Variants in EEFSEC observed in about 807,000 individuals in gnomAD.
EEFSEC encodes the protein eukaryotic elongation factor, selenocysteine-tRNA specific, also known as selenocysteine-specific elongation factor.
Under a neutral mutation model 42.1 loss-of-function variants are expected in EEFSEC, and 43 were observed. The ratio of observed to expected loss-of-function variants is 1.02; its 90% confidence interval spans 0.80 to 1.32. The LOEUF (loss-of-function observed/expected upper bound fraction) is 1.32. EEFSEC is among the 40% of genes most tolerant of loss of function. EEFSEC has a pLI of 0.00. For missense variants in EEFSEC, 745 were observed against 803.6 expected (o/e 0.93, Z 0.88); for synonymous variants, 354 against 339.1 (o/e 1.04, Z -0.48).
chr3:128,206,481 T>G (rs1291125062), intron 1 of EEFSEC, among the ~76,000 whole-genome samples: 1 of 152,200 alleles, frequency 6.6e-6, no homozygotes, highest in Non-Finnish European at 1.5e-5. Flanking sequence ...AGCCAGTCAC[T>G]TCTGTCTGTG....
chr3:128,180,679 C>T (rs566558475), intron 1 of EEFSEC, among the ~76,000 whole-genome samples: 1 of 152,328 alleles, frequency 6.6e-6, no homozygotes, highest in South Asian at 2.1e-4. Context: ...AGACTCCAGG[C>T]CCTGCATCGA....
At chr3:128,237,681 G>A (rs916478552) in intron 1 of EEFSEC, among the ~76,000 whole-genome samples, 4 of 152,110 alleles carry the variant, frequency 2.6e-5, no homozygotes, top group South Asian at 2.1e-4. Context: ...TCCTTTTGGC[G>A]GGGGTCCAAC....
At chr3:128,202,007 G>A (rs2065648528) in intron 1 of EEFSEC, among the ~76,000 whole-genome samples, 1 of 152,150 alleles carries the variant, frequency 6.6e-6, no homozygotes, top group Non-Finnish European at 1.5e-5. Context: ...AACCATTTAA[G>A]TGTAGGTCTA....
rs530989338 is a variant in EEFSEC, at chr3:128,289,593, A to G, written c.786+24812A>G. ...GAGAAGCTGGAAATCTGGATTTTCA[A>G]GTGAAATGTCCCATTTTAAAATATA... On this transcript the variant is annotated intron_variant, in intron 4 of 6. Coordinates refer to ENST00000254730, the MANE Select transcript of EEFSEC (RefSeq NM_021937.5). Among the ~76,000 whole-genome samples, 6 of 152,362 alleles carry G rather than the reference A, an allele frequency of 3.9e-5. No homozygotes were observed. In the South Asian group the frequency reaches 1.2e-3, roughly 32 times the overall value.
chr3:128,336,239 C>T (rs971070185), intron 4 of EEFSEC, among the ~76,000 whole-genome samples: 2 of 152,186 alleles, frequency 1.3e-5, no homozygotes, highest in African/African-American at 2.4e-5. Flanking sequence ...TACACACCAG[C>T]TGTTCTTTAC....
At chr3:128,184,629 T>C (rs2065446181) in intron 1 of EEFSEC, among the ~76,000 whole-genome samples, 1 of 152,248 alleles carries the variant, frequency 6.6e-6, no homozygotes, top group Non-Finnish European at 1.5e-5. Context: ...TGTATTTTGC[T>C]TTGGCTTAAC....
At chr3:128,364,412 C>T (rs936160389) in intron 6 of EEFSEC, among the ~76,000 whole-genome samples, 3 of 152,094 alleles carry the variant, frequency 2.0e-5, no homozygotes, top group Admixed American at 6.5e-5. Context: ...AGCAGAAGGG[C>T]GAGCGGGGAG....
intron 4 of EEFSEC, among the ~76,000 whole-genome samples, chr3:128,330,778 C>A (rs1436094261): frequency 6.8e-6 from 1 of 146,506 alleles, no homozygotes; most frequent in East Asian, 2.0e-4. Context: ...CCCCTCTTCC[C>A]CCTTCCTCAG....
intron 1 of EEFSEC, among the ~76,000 whole-genome samples, chr3:128,217,519 C>T (rs892676986): frequency 3.3e-5 from 5 of 152,212 alleles, no homozygotes; most frequent in African/African-American, 9.7e-5. Flanking sequence ...ACCCGTGACC[C>T]TTTAATGTGT....
rs1374295071 is a variant in EEFSEC, at chr3:128,358,496, G to A, written c.1600+123G>A. On this transcript the variant is annotated intron_variant, in intron 6 of 6. Coordinates refer to ENST00000254730, the MANE Select transcript of EEFSEC (RefSeq NM_021937.5). Reference sequence around the variant, plus strand: ...TAATCCTGCCTTTGCCGAGACACGGGGTGACTTGGCCTGCCTGGCAGCATG... The same window carrying A: ...TAATCCTGCCTTTGCCGAGACACGGAGTGACTTGGCCTGCCTGGCAGCATG... The A allele has an allele frequency of 2.8e-6, 4 of 1,405,760 alleles. No individual in the cohort carries two copies. In the African/African-American group the frequency reaches 5.7e-5, roughly 20 times the overall value. 87.1% of individuals were successfully genotyped at this position (1,405,760 alleles called of 1,614,324 possible). A position where few individuals can be genotyped will look rare whatever the true frequency, so the allele number is the denominator to read the frequency against.
chr3:128,418,441 G>A, the EEFSEC span, among the ~76,000 whole-genome samples: 2 of 151,852 alleles, frequency 1.3e-5, no homozygotes, highest in Non-Finnish European at 2.9e-5. Context: ...ACACCAGCAA[G>A]GCCCAGGCCT....
chr3:128,358,485 C>G, intron 6 of EEFSEC, 112 bp downstream of exon 6: 1 of 1,473,292 alleles, frequency 6.8e-7, no homozygotes, highest in South Asian at 1.3e-5. Flanking sequence ...CCTGCCTTTG[C>G]CGAGACACGG....
chr3:128,328,219 C>A (rs1041634941), intron 4 of EEFSEC, among the ~76,000 whole-genome samples: 1 of 152,216 alleles, frequency 6.6e-6, no homozygotes, highest in Non-Finnish European at 1.5e-5. Flanking sequence ...CCAAGTCCAG[C>A]ATGCTCACTG....
At chr3:128,337,009 A>G (rs1385744492) in intron 4 of EEFSEC, 4 of 152,202 alleles carry the variant, frequency 2.6e-5, no homozygotes, top group African/African-American at 9.6e-5. Context: ...TTGAGGAGTG[A>G]GTTATTCAGT....
intron 1 of EEFSEC, among the ~76,000 whole-genome samples, chr3:128,185,222 CT>C (rs1020217601): frequency 3.9e-5 from 6 of 151,994 alleles, no homozygotes; most frequent in African/African-American, 1.5e-4. Context: ...CCCATCGCTG[CT>C]GGGGTATTAT....
At chr3:128,160,061 G>T (rs369114188) in intron 1 of EEFSEC, among the ~76,000 whole-genome samples, 11 of 152,244 alleles carry the variant, frequency 7.2e-5, no homozygotes, top group Admixed American at 6.5e-4. Context: ...TGAAGCCTGT[G>T]TACCAGCTCC....
At chr3:128,159,289 C>T (rs928338034) in intron 1 of EEFSEC, among the ~76,000 whole-genome samples, 2 of 152,164 alleles carry the variant, frequency 1.3e-5, no homozygotes, top group Non-Finnish European at 2.9e-5. Context: ...ACTCCGCCAC[C>T]CCTAACCTGG....
chr3:128,403,034 T>G, intron 6 of EEFSEC, among the ~76,000 whole-genome samples: 1 of 148,316 alleles, frequency 6.7e-6, no homozygotes, highest in African/African-American at 2.5e-5. Context: ...AATAGTGGGG[T>G]GAGAGGGGGT....
At chr3:128,229,412 A>G (rs1465834727) in intron 1 of EEFSEC, among the ~76,000 whole-genome samples, 2 of 152,298 alleles carry the variant, frequency 1.3e-5, no homozygotes, top group East Asian at 3.9e-4. Flanking sequence ...CCTTTCCTCC[A>G]GGATGACCCT....
Sources: allele counts gnomAD v4.1 joint callset (sites outside exome capture counted in the v4.1 genomes callset), GRCh38; gene constraint gnomAD v4.1.1; transcripts MANE v1.5; gene names NCBI Gene and HGNC (gene_info 2026-07-23, HGNC 2026-07-21).